TAF3: variants seen among roughly 807,000 people sequenced by gnomAD.
TAF3 encodes TATA-box binding protein associated factor 3.
In TAF3, 7 loss-of-function variants were observed where a neutral mutation model predicts 80.6. That is an observed-to-expected ratio of 0.09 (90% confidence interval 0.05 to 0.16). The LOEUF is 0.16. TAF3 is among the 10% of genes least tolerant of loss of function. The probability of loss-of-function intolerance (pLI) is 1.00; values close to 1 mark genes in which losing one functional copy is unlikely to be tolerated. For missense variants in TAF3, 921 were observed against 1,140.2 expected (o/e 0.81, Z 2.77); for synonymous variants, 444 against 446.1 (o/e 1.00, Z 0.06).
intron 2 of TAF3, among the ~76,000 whole-genome samples, chr10:7,831,375 T>C (rs1257333674): frequency 6.6e-6 from 1 of 152,082 alleles, no homozygotes; most frequent in Non-Finnish European, 1.5e-5. Flanking sequence ...AGATGGAGTC[T>C]CACTCCATCG....
At chr10:7,917,157 G>A in intron 2 of TAF3, among the ~76,000 whole-genome samples, 1 of 152,202 alleles carries the variant, frequency 6.6e-6, no homozygotes, top group Non-Finnish European at 1.5e-5. Context: ...TTTTAGCTGG[G>A]GAGACAGACA....
At chr10:7,916,673 G>A (rs546143794) in intron 2 of TAF3, among the ~76,000 whole-genome samples, 1 of 152,064 alleles carries the variant, frequency 6.6e-6, no homozygotes, top group Non-Finnish European at 1.5e-5. Flanking sequence ...ATCAAATCCC[G>A]GCTTAACTGC....
Position 8,015,337 on chromosome 10 carries a change from T to C in TAF3, c.*586T>C, listed in dbSNP as rs537065553. 4 of 152,348 alleles carry C rather than the reference T, an allele frequency of 2.6e-5. No homozygotes were observed. In the East Asian group the frequency reaches 7.7e-4, roughly 29 times the overall value. The allele number at this position is 152,348 out of a possible 1,614,324, so 9.4% of individuals were successfully genotyped here. ...GCTTTTGTGAAATACCTTATATTTT[T>C]TAAGAAAAAGGTTTCTATCATGTCC... On this transcript the variant is annotated 3_prime_UTR_variant, in exon 7 of 7. Transcript: ENST00000344293.
chr10:7,845,240 CA>C (rs34416999), intron 2 of TAF3, among the ~76,000 whole-genome samples: 27,188 of 145,020 alleles, frequency 0.19, 2,490 homozygotes, highest in South Asian at 0.27. Flanking sequence ...TGGGAACTAC[CA>C]AAAAAAAAAA....
chr10:7,916,962 C>G (rs2137854), intron 2 of TAF3, among the ~76,000 whole-genome samples: 86,296 of 152,020 alleles, frequency 0.57, 25,968 homozygotes, highest in East Asian at 0.71. Context: ...GTTGTGTGCT[C>G]GAAAGAACAT....
At chr10:7,874,228 G>A (rs1208410230) in intron 2 of TAF3, among the ~76,000 whole-genome samples, 6 of 152,130 alleles carry the variant, frequency 3.9e-5, no homozygotes, top group Non-Finnish European at 8.8e-5. Flanking sequence ...GCAGATTAAA[G>A]CAATGTTTTT....
intron 2 of TAF3, among the ~76,000 whole-genome samples, chr10:7,877,874 G>A (rs529324297): frequency 1.8e-4 from 28 of 152,218 alleles, no homozygotes; most frequent in African/African-American, 6.5e-4. Flanking sequence ...CACCGTGTGT[G>A]TTATTTTGAG....
chr10:8,008,895 T>G (rs1832022805), intron 4 of TAF3, among the ~76,000 whole-genome samples, 183 bp from the exon 5 acceptor site: 1 of 152,220 alleles, frequency 6.6e-6, no homozygotes, highest in African/African-American at 2.4e-5. Context: ...AAATGAAAAA[T>G]TCGTCTGAGT....
chr10:7,972,594 C>T (rs1250370127), intron 3 of TAF3, among the ~76,000 whole-genome samples: 2 of 152,212 alleles, frequency 1.3e-5, no homozygotes, highest in Non-Finnish European at 2.9e-5. Flanking sequence ...TTCATTAATT[C>T]AACCAGTTGA....
At chr10:7,879,906 C>A (rs1427475079) in intron 2 of TAF3, among the ~76,000 whole-genome samples, 3 of 151,984 alleles carry the variant, frequency 2.0e-5, no homozygotes, top group Middle Eastern at 6.8e-3. Context: ...GAAACAAGAC[C>A]TAGTAAATGA....
chr10:7,997,586 C>T (rs1414030999), intron 4 of TAF3, among the ~76,000 whole-genome samples: 1 of 152,132 alleles, frequency 6.6e-6, no homozygotes, highest in Non-Finnish European at 1.5e-5. Context: ...TGCTGAAAAT[C>T]CCTCCTTCTG....
At chr10:8,000,160 C>T (rs77732990) in intron 4 of TAF3, among the ~76,000 whole-genome samples, 1,654 of 152,246 alleles carry the variant, frequency 0.011, 20 homozygotes, top group Middle Eastern at 0.031. Flanking sequence ...GACGGGGTCT[C>T]ACTTTGTTGC....
In TAF3 at chr10:7,940,752, T is replaced by TG. The variant is rs561512642; in HGVS notation, c.410-23167dup. On this transcript the variant is annotated intron_variant, in intron 2 of 6. Coordinates refer to ENST00000344293, the MANE Select transcript of TAF3 (RefSeq NM_031923.4). ...GGAGGATCATTTGAGCCCAGGAGTTTGAGACCAGCCTGAGCAACAGAGCAA... is the reference window on the plus strand; with the variant it reads ...GGAGGATCATTTGAGCCCAGGAGTTTGGAGACCAGCCTGAGCAACAGAGCAA... Among the ~76,000 whole-genome samples the TG allele has an allele frequency of 4.3e-3, 648 of 152,182 alleles. 7 individuals carry two copies. The highest frequency in any genetic ancestry group is 0.015 in the African/African-American group (609 of 41,536).
chr10:7,939,692 C>A (rs1564367546), intron 2 of TAF3, among the ~76,000 whole-genome samples: 1 of 150,544 alleles, frequency 6.6e-6, no homozygotes, highest in Non-Finnish European at 1.5e-5. Flanking sequence ...AGAGCCAGAG[C>A]AAGTTAGAAA....
At chr10:7,956,836 G>A (rs1838140643) in intron 2 of TAF3, among the ~76,000 whole-genome samples, 2 of 152,082 alleles carry the variant, frequency 1.3e-5, no homozygotes, top group African/African-American at 4.8e-5. Context: ...TGAAAAACAT[G>A]AAAAAATAGG....
intron 4 of TAF3, among the ~76,000 whole-genome samples, chr10:8,007,146 C>T (rs993056028): frequency 5.3e-5 from 8 of 152,074 alleles, no homozygotes; most frequent in African/African-American, 1.4e-4. Context: ...CTCCTACTTT[C>T]AGTAGGATGA....
intron 2 of TAF3, among the ~76,000 whole-genome samples, chr10:7,961,558 T>C (rs1244006599): frequency 2.6e-5 from 4 of 152,188 alleles, no homozygotes; most frequent in African/African-American, 9.7e-5. Flanking sequence ...TCTTTTTATA[T>C]ATAGGTATTC....
chr10:7,915,116 A>G (rs967942238), intron 2 of TAF3, among the ~76,000 whole-genome samples: 1 of 150,692 alleles, frequency 6.6e-6, no homozygotes, highest in Admixed American at 6.6e-5. Flanking sequence ...ACTTTTTTGT[A>G]TTTTTAGTAG....
chr10:7,900,048 G>A (rs1837543913), intron 2 of TAF3, among the ~76,000 whole-genome samples: 1 of 152,140 alleles, frequency 6.6e-6, no homozygotes, highest in African/African-American at 2.4e-5. Context: ...CCCATTACAT[G>A]TCTGTTAAAA....
Sources: allele counts gnomAD v4.1 joint callset (sites outside exome capture counted in the v4.1 genomes callset), GRCh38; gene constraint gnomAD v4.1.1; transcripts MANE v1.5; gene names NCBI Gene and HGNC (gene_info 2026-07-23, HGNC 2026-07-21).